Variants in CHKA observed in about 807,000 individuals in gnomAD.
CHKA encodes choline kinase alpha.
Under a neutral mutation model 60.1 loss-of-function variants are expected in CHKA, and 34 were observed. That is an observed-to-expected ratio of 0.57 (90% CI 0.43 to 0.75). The LOEUF is 0.75. Ranked by LOEUF, CHKA falls within the 30% of genes least tolerant of loss-of-function variation. CHKA has a pLI of 0.00. For synonymous variants in CHKA, 217 were observed against 223.1 expected (o/e 0.97, Z 0.24); for missense variants, 563 against 561.3 (o/e 1.00, Z -0.03).
intron 10 of CHKA, among the ~76,000 whole-genome samples, chr11:68,063,837 C>A (rs140147000): frequency 4.6e-5 from 7 of 152,138 alleles, no homozygotes; most frequent in African/African-American, 9.7e-5. Flanking sequence ...TCTCTCCTGG[C>A]GCCATGTAAG....
chr11:68,087,709 A>C (rs953560981), intron 2 of CHKA, among the ~76,000 whole-genome samples: 1 of 152,162 alleles, frequency 6.6e-6, no homozygotes, highest in Non-Finnish European at 1.5e-5. Flanking sequence ...CCTCACCAAA[A>C]AATAACTAAA....
chr11:68,110,564 C>A (rs1431870979), intron 1 of CHKA, among the ~76,000 whole-genome samples: 1 of 152,116 alleles, frequency 6.6e-6, no homozygotes, highest in Non-Finnish European at 1.5e-5. Context: ...TGTTATGTCA[C>A]TCAATGTGTA....
At chr11:68,064,250 A>T (rs1020487879) in intron 10 of CHKA, among the ~76,000 whole-genome samples, 1 of 152,176 alleles carries the variant, frequency 6.6e-6, no homozygotes, top group Non-Finnish European at 1.5e-5. Context: ...CTACTAAAAA[A>T]TACAAAAATT....
chr11:68,105,548 A>G (rs1857885472), intron 1 of CHKA, among the ~76,000 whole-genome samples: 1 of 151,526 alleles, frequency 6.6e-6, no homozygotes, highest in Admixed American at 6.6e-5. Context: ...AAAGAAAAGA[A>G]AAAGAAAGAA....
At chr11:68,060,502 A>T in intron 11 of CHKA, among the ~76,000 whole-genome samples, 1 of 151,080 alleles carries the variant, frequency 6.6e-6, no homozygotes, top group East Asian at 1.9e-4. Context: ...GTAGAGATAG[A>T]GTTTCACCAT....
At chr11:68,117,484 T>C (rs1858435514) in intron 1 of CHKA, among the ~76,000 whole-genome samples, 2 of 151,698 alleles carry the variant, frequency 1.3e-5, no homozygotes. Context: ...AGGTCAGGAG[T>C]TCGAGACCAG....
At chr11:68,101,377 C>T (rs1857716073) in intron 1 of CHKA, among the ~76,000 whole-genome samples, 1 of 152,096 alleles carries the variant, frequency 6.6e-6, no homozygotes, top group African/African-American at 2.4e-5. Flanking sequence ...GTTAAATTAT[C>T]CCTGTTTGCA....
chr11:68,082,921 A>G (rs950392670), intron 2 of CHKA, among the ~76,000 whole-genome samples: 3 of 152,246 alleles, frequency 2.0e-5, no homozygotes, highest in Admixed American at 6.5e-5. Context: ...AGCTATAAAA[A>G]TCAAAATACT....
At chr11:68,070,427 C>A in intron 5 of CHKA, 134 bp from the exon 6 acceptor site, 1 of 733,252 alleles carries the variant, frequency 1.4e-6, no homozygotes, top group East Asian at 2.7e-5. Flanking sequence ...CTCTGACTGC[C>A]ATGACTGAGG....
chr11:68,092,685 T>C (rs926197990), intron 2 of CHKA, among the ~76,000 whole-genome samples: 3 of 152,194 alleles, frequency 2.0e-5, no homozygotes, highest in African/African-American at 7.2e-5. Flanking sequence ...CAGTCTCCAA[T>C]GGCCATTAAT....
chr11:68,054,225 GCTC>G (rs1735123358), intron 11 of CHKA, among the ~76,000 whole-genome samples, 178 bp from the exon 12 acceptor site: 3 of 152,314 alleles, frequency 2.0e-5, no homozygotes, highest in Admixed American at 6.5e-5. Flanking sequence ...ACAGGTGCAG[GCTC>G]CTCAAGCTCC....
intron 2 of CHKA, among the ~76,000 whole-genome samples, chr11:68,085,150 A>C (rs144848095): frequency 1.3e-5 from 2 of 152,168 alleles, no homozygotes; most frequent in Non-Finnish European, 2.9e-5. Flanking sequence ...TGTAGGAAAC[A>C]AATGAGGCTA....
intron 1 of CHKA, among the ~76,000 whole-genome samples, chr11:68,108,763 A>C (rs1590880943): frequency 6.6e-6 from 1 of 152,156 alleles, no homozygotes; most frequent in Non-Finnish European, 1.5e-5. Context: ...AATGAGGTTA[A>C]GGGGGAAACT....
intron 4 of CHKA, among the ~76,000 whole-genome samples, chr11:68,073,420 A>C: frequency 6.6e-6 from 1 of 152,144 alleles, no homozygotes; most frequent in South Asian, 2.1e-4. Context: ...TTGGGAGGCC[A>C]AGGCGGGTGG....
intron 1 of CHKA, among the ~76,000 whole-genome samples, chr11:68,099,840 A>G (rs1193808118): frequency 6.6e-6 from 1 of 152,210 alleles, no homozygotes; most frequent in African/African-American, 2.4e-5. Flanking sequence ...AAATTGTGTA[A>G]CCTGATTCAA....
At chr11:68,095,525 C>G (rs1404307531) in intron 2 of CHKA, among the ~76,000 whole-genome samples, 1 of 140,618 alleles carries the variant, frequency 7.1e-6, no homozygotes, top group African/African-American at 2.7e-5. Context: ...CTGGCTAACA[C>G]GGTGAAACCC....
intron 7 of CHKA, among the ~76,000 whole-genome samples, 199 bp from the exon 8 acceptor site, chr11:68,066,715 C>T (rs1354893640): frequency 6.6e-6 from 1 of 152,158 alleles, no homozygotes; most frequent in East Asian, 1.9e-4. Context: ...TGGCTCCTGA[C>T]CCACCTGGCC....
chr11:68,084,323 TATACAC>T (rs1857092000), intron 2 of CHKA, among the ~76,000 whole-genome samples: 1 of 141,930 alleles, frequency 7.0e-6, no homozygotes, highest in Non-Finnish European at 1.5e-5. Context: ...TGTGTATATA[TATACAC>T]ATATACGTAT....
At chr11:68,071,425 A>G (rs546251774) in intron 4 of CHKA, among the ~76,000 whole-genome samples, 8 of 152,334 alleles carry the variant, frequency 5.3e-5, no homozygotes, top group African/African-American at 1.7e-4. Context: ...GCAAAGAAAC[A>G]GTGTCTAGAG....
Sources: gnomAD v4.1 joint callset for allele counts (sites outside exome capture counted in the v4.1 genomes callset) on GRCh38, gnomAD v4.1.1 for gene constraint, MANE v1.5 for transcripts, NCBI Gene and HGNC (gene_info 2026-07-23, HGNC 2026-07-21) for gene names.